The following SLC18A2 variants were observed in gnomAD, a reference collection of about 807,000 sequenced individuals.
The protein encoded by SLC18A2 is synaptic vesicular amine transporter.
In SLC18A2, 33 loss-of-function variants were observed where a neutral mutation model predicts 59.2. The observed-to-expected ratio is 0.56, with a 90% CI of 0.42 to 0.75. The LOEUF is 0.75. Among genes scored for constraint, SLC18A2 ranks in the 30% least tolerant of loss-of-function variants. The pLI is 0.00. For missense variants in SLC18A2, 569 were observed against 668.6 expected (o/e 0.85, Z 1.64); for synonymous variants, 228 against 253.5 (o/e 0.90, Z 0.95).
Position 117,253,273 on chromosome 10 carries a change from A to G in SLC18A2, c.465-126A>G, listed in dbSNP as rs150306445. On this transcript the variant is annotated intron_variant, in intron 3 of 15. Coordinates refer to ENST00000644641, the MANE Select transcript of SLC18A2 (RefSeq NM_003054.6). ...CACATAGGAAGCACTGAGTATATGA[A>G]TTTTCAGAAAAGTCCACCAAACACT... The G allele has an allele frequency of 5.6e-6, 4 of 717,818 alleles. 1 individual carries two copies. In the East Asian group the frequency reaches 9.9e-5, roughly 18 times the overall value. The allele number at this position is 717,818 out of a possible 1,614,324, so 44.5% of individuals were successfully genotyped here. A position where few individuals can be genotyped will look rare whatever the true frequency, so the allele number is the denominator to read the frequency against.
chr10:117,253,099 T>A (rs1469098216), intron 3 of SLC18A2, among the ~76,000 whole-genome samples: 2 of 152,232 alleles, frequency 1.3e-5, no homozygotes, highest in African/African-American at 2.4e-5. Flanking sequence ...AATCATTTTT[T>A]AAAAATGACA....
chr10:117,252,070 T>A (rs994075491), intron 3 of SLC18A2, among the ~76,000 whole-genome samples: 1 of 151,072 alleles, frequency 6.6e-6, no homozygotes, highest in Non-Finnish European at 1.5e-5. Flanking sequence ...GCAATTCTCG[T>A]GCCTCAGCCT....
At chr10:117,270,857 C>T (rs1198188510) in intron 15 of SLC18A2, among the ~76,000 whole-genome samples, 1 of 152,164 alleles carries the variant, frequency 6.6e-6, no homozygotes, top group Non-Finnish European at 1.5e-5. Flanking sequence ...ACCCTTACAG[C>T]ATTCAGTAAT....
At position 117,277,272 on chromosome 10, in the gene SLC18A2, G is replaced by T; in HGVS notation, c.*6G>T. 1 of 1,529,976 alleles carries T rather than the reference G, an allele frequency of 6.5e-7. No individual in the cohort carries two copies. The allele number at this position is 1,529,976 out of a possible 1,614,324, so 94.8% of individuals were successfully genotyped here. On this transcript the variant is annotated 3_prime_UTR_variant, in exon 16 of 16. Coordinates refer to ENST00000644641, the MANE Select transcript of SLC18A2 (RefSeq NM_003054.6). ...AAGAATCTGAAAGTGACTGAGATGA[G>T]ATCCTCAAAAATCATCAAAGTGTTT... is the stretch of plus-strand genomic sequence containing the variant.
chr10:117,256,626 G>T (rs968439887), intron 9 of SLC18A2, among the ~76,000 whole-genome samples: 1 of 152,190 alleles, frequency 6.6e-6, no homozygotes, highest in African/African-American at 2.4e-5. Flanking sequence ...AGGGCAGCAG[G>T]TATGTAACCC....
chr10:117,254,312 T>A (rs1844201295), intron 5 of SLC18A2, 93 bp from the exon 6 acceptor site: 1 of 1,266,130 alleles, frequency 7.9e-7, no homozygotes, highest in African/African-American at 1.5e-5. Flanking sequence ...TTTGGGAAGA[T>A]CACAAGGCTG....
chr10:117,242,156 G>A (rs1844063568), intron 2 of SLC18A2, among the ~76,000 whole-genome samples: 1 of 152,152 alleles, frequency 6.6e-6, no homozygotes, highest in Admixed American at 6.5e-5. Context: ...TCAAAATTAC[G>A]TGTTAGAATA....
rs1255101759 is a variant in SLC18A2 at position 117,244,294 on chromosome 10, A to T, written c.445A>T (p.Ile149Leu). The T allele has an allele frequency of 1.9e-6, 3 of 1,613,886 alleles. No homozygotes were observed. The highest frequency in any genetic ancestry group is 2.5e-6 in the Non-Finnish European group (3 of 1,179,922). ...CGTCCAGCTCATCACCAACCCTTTC[A>T]TAGGACTACTGACCAACAGGTAGGG... ...ATVQLITNPF[I>L]GLLTNRIGYP... The change falls in exon 3 of 16, where the codon ATA becomes TTA. Residue 149 changes from isoleucine (I) to leucine (L), a missense_variant. Physicochemically the swap from Ile to Leu is conservative, Grantham distance 5. Coordinates refer to ENST00000644641, the MANE Select transcript of SLC18A2 (RefSeq NM_003054.6).
intron 10 of SLC18A2, among the ~76,000 whole-genome samples, chr10:117,265,564 A>G (rs1844338548): frequency 6.6e-6 from 1 of 152,202 alleles, no homozygotes; most frequent in Admixed American, 6.5e-5. Context: ...AGTCACTCAT[A>G]AAGAGATTGT....
chr10:117,251,814 A>T (rs1432481485), intron 3 of SLC18A2, among the ~76,000 whole-genome samples: 1 of 152,180 alleles, frequency 6.6e-6, no homozygotes. Context: ...CTGATAAGTA[A>T]TGACAGATAT....
Position 117,254,066 on chromosome 10 carries a change from GC to G in SLC18A2, c.543del (p.Tyr182MetfsTer5), listed in dbSNP as rs771407205. 8 of 1,613,534 alleles carry G rather than the reference GC, an allele frequency of 5.0e-6. No individual in the cohort carries two copies. Reference protein sequence around the residue: ...VSTIMFAFSSSYAFLLIARSL... With the variant: ...VSTIMFAFSSXYAFLLIARSL... ...TCGGCAGTGTTTGCCTTCTCCAGCAGCTATGCCTTCCTGCTGATTGCCAGGT... is the reference window on the plus strand; with the variant it reads ...TCGGCAGTGTTTGCCTTCTCCAGCAGTATGCCTTCCTGCTGATTGCCAGGT... On this transcript the variant is annotated frameshift_variant, in exon 5 of 16. Transcript: ENST00000644641. LOFTEE classifies it high-confidence loss of function.
At chr10:117,259,673 T>C (rs1844272238) in intron 10 of SLC18A2, among the ~76,000 whole-genome samples, 1 of 152,250 alleles carries the variant, frequency 6.6e-6, no homozygotes, top group South Asian at 2.1e-4. Context: ...CACTGTTCTG[T>C]TGTCTTCTAG....
Position 117,244,299 on chromosome 10 carries a change from ACT to A in SLC18A2, c.451_452del (p.Leu151ThrfsTer63). The A allele has an allele frequency of 6.2e-7, 1 of 1,613,774 alleles. No homozygotes were observed. The highest frequency in any genetic ancestry group is 8.5e-7 in the Non-Finnish European group (1 of 1,179,808). Reference sequence around the variant, plus strand: ...AGCTCATCACCAACCCTTTCATAGGACTACTGACCAACAGGTAGGGCAGACTA... The same window carrying A: ...AGCTCATCACCAACCCTTTCATAGGAACTGACCAACAGGTAGGGCAGACTA... ...VQLITNPFIG[L>X]LTNRIGYPIP... is the part of the protein sequence containing the mutation. On this transcript the variant is annotated frameshift_variant, in exon 3 of 16. Coordinates refer to ENST00000644641, the MANE Select transcript of SLC18A2 (RefSeq NM_003054.6). LOFTEE classifies it high-confidence loss of function.
intron 10 of SLC18A2, among the ~76,000 whole-genome samples, chr10:117,261,015 A>T (rs1368488987): frequency 6.6e-6 from 1 of 152,186 alleles, no homozygotes; most frequent in African/African-American, 2.4e-5. Flanking sequence ...AGCTGAGCTT[A>T]AAATGGTGTA....
chr10:117,270,290 C>T, intron 14 of SLC18A2, 40 bp from the exon 15 acceptor site: 1 of 1,613,738 alleles, frequency 6.2e-7, no homozygotes, highest in Non-Finnish European at 8.5e-7. Context: ...GTCTACAAGA[C>T]ATTTGGAAGA....
At chr10:117,264,103 C>A (rs1844322880) in intron 10 of SLC18A2, among the ~76,000 whole-genome samples, 1 of 152,244 alleles carries the variant, frequency 6.6e-6, no homozygotes, top group South Asian at 2.1e-4. Context: ...TTCGTGATGA[C>A]CGGAGCCCCT....
chr10:117,264,794 G>A (rs75464299), intron 10 of SLC18A2, among the ~76,000 whole-genome samples: 2,140 of 152,176 alleles, frequency 0.014, 34 homozygotes, highest in Middle Eastern at 0.034. Flanking sequence ...CTTACTATCC[G>A]GACTAACAGT....
chr10:117,243,483 A>C (rs967249230), intron 2 of SLC18A2, among the ~76,000 whole-genome samples: 2 of 152,224 alleles, frequency 1.3e-5, no homozygotes, highest in Non-Finnish European at 2.9e-5. Flanking sequence ...ACTTGCTCCA[A>C]TGTCGTTATA....
chr10:117,247,098 A>G (rs528724881), intron 3 of SLC18A2, among the ~76,000 whole-genome samples: 96 of 152,348 alleles, frequency 6.3e-4, no homozygotes, highest in African/African-American at 2.2e-3. Flanking sequence ...GATTCAGAGA[A>G]GGGACAAATG....
Sources: allele counts gnomAD v4.1 joint callset (sites outside exome capture counted in the v4.1 genomes callset), GRCh38; gene constraint gnomAD v4.1.1; transcripts MANE v1.5; gene names NCBI Gene and HGNC (gene_info 2026-07-23, HGNC 2026-07-21).